RERE: variants seen among roughly 807,000 people sequenced by gnomAD.
RERE encodes the protein arginine-glutamic acid dipeptide repeats, also known as arginine-glutamic acid dipeptide repeats protein.
Under a neutral mutation model 146.1 loss-of-function variants are expected in RERE, and 40 were observed. That is an observed-to-expected ratio of 0.27 (90% CI 0.21 to 0.36). The LOEUF (loss-of-function observed/expected upper bound fraction) is 0.36. Ranked by LOEUF, RERE falls within the 10% of genes least tolerant of loss-of-function variation. The pLI, the probability that RERE is intolerant of heterozygous loss-of-function variation, is 1.00. For missense variants in RERE, 1,933 were observed against 2,138.7 expected, an observed-to-expected ratio of 0.90 and a Z score of 1.90; for synonymous variants, 1,003 against 866.0, an observed-to-expected ratio of 1.16 and a Z score of -2.78.
At chr1:8,509,430 ATCCATCCG>A (rs1364218547) in intron 7 of RERE, among the ~76,000 whole-genome samples, 169 of 87,286 alleles carry the variant, frequency 1.9e-3, no homozygotes, top group African/African-American at 3.6e-3. Flanking sequence ...CCATCCATCC[ATCCATCCG>A]TCCGTCCGTC....
chr1:8,421,162 G>C (rs1643904433), intron 12 of RERE, among the ~76,000 whole-genome samples: 1 of 152,196 alleles, frequency 6.6e-6, no homozygotes, highest in South Asian at 2.1e-4. Context: ...TTCATGGTTT[G>C]CAACTTTTAG....
chr1:8,593,520 T>C (rs1176058073), intron 4 of RERE, among the ~76,000 whole-genome samples: 1 of 152,200 alleles, frequency 6.6e-6, no homozygotes, highest in African/African-American at 2.4e-5. Flanking sequence ...TTTGCCATGA[T>C]TGTGAGGCCT....
chr1:8,372,542 G>GTGTGTGTGTGTGTGTGTGTGTGTGTT, intron 12 of RERE, among the ~76,000 whole-genome samples: 2 of 150,884 alleles, frequency 1.3e-5, no homozygotes, highest in South Asian at 4.2e-4. Flanking sequence ...GTGTGTGTGT[G>GTGTGTGTGTGTGTGTGTGTGTGTGTT]TTTTAAATTA....
At chr1:8,374,736 A>G (rs1278542030) in intron 12 of RERE, among the ~76,000 whole-genome samples, 2 of 152,216 alleles carry the variant, frequency 1.3e-5, no homozygotes, top group Non-Finnish European at 2.9e-5. Flanking sequence ...TCTCTGTGTT[A>G]CCGGAAGACT....
At chr1:8,794,660 GC>G (rs1164929995) in intron 1 of RERE, among the ~76,000 whole-genome samples, 1 of 152,136 alleles carries the variant, frequency 6.6e-6, no homozygotes, top group Admixed American at 6.6e-5. Context: ...ACTTTGGGAG[GC>G]CAAGGTGGGT....
At chr1:8,791,239 C>T (rs1339313037) in intron 1 of RERE, among the ~76,000 whole-genome samples, 1 of 152,198 alleles carries the variant, frequency 6.6e-6, no homozygotes, top group Non-Finnish European at 1.5e-5. Context: ...TGTTAACTCC[C>T]TAAGTGCTAT....
At chr1:8,706,045 G>A (rs933730255) in intron 1 of RERE, among the ~76,000 whole-genome samples, 1 of 150,420 alleles carries the variant, frequency 6.6e-6, no homozygotes, top group African/African-American at 2.5e-5. Context: ...GAACCCAGGA[G>A]GTGGAGCTTG....
intron 2 of RERE, among the ~76,000 whole-genome samples, chr1:8,655,572 G>A (rs1312498423): frequency 6.6e-6 from 1 of 152,124 alleles, no homozygotes; most frequent in Non-Finnish European, 1.5e-5. Flanking sequence ...AAAATTTCCT[G>A]TTTCCAAGAA....
chr1:8,503,204 A>T (rs1003654384), intron 8 of RERE, among the ~76,000 whole-genome samples: 1 of 152,246 alleles, frequency 6.6e-6, no homozygotes, highest in African/African-American at 2.4e-5. Context: ...TGCATCTATC[A>T]TACTGACATA....
intron 6 of RERE, among the ~76,000 whole-genome samples, chr1:8,548,047 A>C (rs926951): frequency 2.0e-5 from 3 of 152,164 alleles, no homozygotes; most frequent in African/African-American, 7.2e-5. Flanking sequence ...TGAACTGATA[A>C]GAGCAATTCC....
rs1343710947 is a variant in RERE, at chr1:8,364,066, C to A, written c.1730G>T (p.Ser577Ile). The A allele has an allele frequency of 1.9e-6, 3 of 1,614,168 alleles. No homozygotes were observed. The highest frequency in any genetic ancestry group is 1.7e-6 in the Non-Finnish European group (2 of 1,180,020). ...SGKHSMRTRRSRGSMSTLRSG... is the reference protein window; with the variant it reads ...SGKHSMRTRRIRGSMSTLRSG... ...CCCCAGGGGACTCACCGAGCCCCGA[C>A]TCCGCCGTGTCCTCATGCTATGCTT... The change falls in exon 15 of 23, where the codon AGT becomes ATT. Residue 577 changes from serine to isoleucine, a missense_variant. Around this residue, in one of 11 missense-constraint regions of RERE, gnomAD observed 1,255 missense variants for 1,153.8 expected, o/e 1.09. Coordinates refer to ENST00000400908, the MANE Select transcript of RERE (RefSeq NM_001042681.2). This position sits in a 1 kb window ranked among gnomAD's most constrained non-coding sequence, Gnocchi z 5.1.
rs766951273 is a variant in RERE at position 8,359,916 on chromosome 1, C to T, written c.3466G>A (p.Gly1156Arg). The T allele has an allele frequency of 8.1e-6, 13 of 1,613,256 alleles. No individual in the cohort carries two copies. Among genetic ancestry groups the T allele is most frequent in the South Asian group, 4.4e-5 (4 of 91,082 alleles). ...TCCCTCTTCTTGGCCAGCTTGGACC[C>T]GGCCAGAGGCATGAAGTACAGGTCT... ...RTDLYFMPLAGSKLAKKREEA... is the reference protein window; with the variant it reads ...RTDLYFMPLARSKLAKKREEA... The change falls in exon 19 of 23, where the codon GGG becomes AGG. Residue 1156 changes from glycine to arginine, a missense_variant. Gly to Arg is a moderately radical substitution (Grantham distance 125, BLOSUM62 -2). Around this residue, in one of 11 missense-constraint regions of RERE, gnomAD observed 1,255 missense variants for 1,153.8 expected, o/e 1.09. Coordinates refer to ENST00000400908, the MANE Select transcript of RERE (RefSeq NM_001042681.2).
chr1:8,816,041 T>C (rs1641905540), intron 1 of RERE, among the ~76,000 whole-genome samples: 1 of 152,160 alleles, frequency 6.6e-6, no homozygotes, highest in African/African-American at 2.4e-5. Flanking sequence ...AAGATGATTT[T>C]ATTATTGTAC....
intron 1 of RERE, among the ~76,000 whole-genome samples, chr1:8,750,150 C>CAAAAAAAAA (rs3045405): frequency 5.2e-5 from 5 of 96,500 alleles, no homozygotes; most frequent in Non-Finnish European, 5.9e-5. Flanking sequence ...GCCTCTGTCT[C>CAAAAAAAAA]AAAAAAAAAA....
chr1:8,788,433 C>T (rs1486991358), intron 1 of RERE, among the ~76,000 whole-genome samples: 1 of 148,528 alleles, frequency 6.7e-6, no homozygotes, highest in Non-Finnish European at 1.5e-5. Flanking sequence ...GGCGCGATCT[C>T]GGCTCACTGC....
At chr1:8,554,891 G>A (rs926012706) in intron 6 of RERE, among the ~76,000 whole-genome samples, 3 of 151,644 alleles carry the variant, frequency 2.0e-5, no homozygotes, top group African/African-American at 7.3e-5. Context: ...AATATTCCAG[G>A]ATTAAGTCAC....
intron 4 of RERE, among the ~76,000 whole-genome samples, chr1:8,570,738 C>T (rs892522600): frequency 6.6e-6 from 1 of 152,178 alleles, no homozygotes; most frequent in Non-Finnish European, 1.5e-5. Context: ...GAGATGAAGT[C>T]GACAAGCTGC....
chr1:8,398,386 G>C (rs1173476379), intron 12 of RERE, among the ~76,000 whole-genome samples: 1 of 152,140 alleles, frequency 6.6e-6, no homozygotes, highest in East Asian at 1.9e-4. Flanking sequence ...TGTGTGCTTT[G>C]CTCAGGGTTG....
At chr1:8,509,885 C>T (rs1282355376) in intron 7 of RERE, among the ~76,000 whole-genome samples, 3 of 152,234 alleles carry the variant, frequency 2.0e-5, no homozygotes, top group African/African-American at 7.2e-5. Context: ...GATACCCATA[C>T]CCACTGTGTT....
Sources: allele counts gnomAD v4.1 joint callset (sites outside exome capture counted in the v4.1 genomes callset), GRCh38; gene constraint gnomAD v4.1.1; regional missense constraint gnomAD v4.1.1; non-coding constraint Gnocchi (gnomAD v3.1); transcripts MANE v1.5; gene names NCBI Gene and HGNC (gene_info 2026-07-23, HGNC 2026-07-21).